Variants in RALY observed in about 807,000 individuals in gnomAD.
The protein encoded by RALY is RNA-binding protein Raly.
In RALY, 15 loss-of-function variants were observed where a neutral mutation model predicts 30.7. The ratio of observed to expected loss-of-function variants is 0.49; its 90% CI spans 0.33 to 0.75. The LOEUF (loss-of-function observed/expected upper bound fraction) is 0.75, where lower values mean the gene tolerates loss of function less well. Ranked by LOEUF, RALY falls within the 30% of genes least tolerant of loss-of-function variation. RALY has a pLI of 0.02. For missense variants in RALY, 339 were observed against 414.3 expected, an observed-to-expected ratio of 0.82 and a Z score of 1.58; for synonymous variants, 177 against 170.8, an observed-to-expected ratio of 1.04 and a Z score of -0.28.
At chr20:33,996,130 G>T (rs1478688756) in intron 1 of RALY, among the ~76,000 whole-genome samples, 1 of 152,196 alleles carries the variant, frequency 6.6e-6, no homozygotes, top group Non-Finnish European at 1.5e-5. Context: ...GAGGTAGTTT[G>T]CAGAGCTTGG....
chr20:33,997,154 C>T lies in RALY; in HGVS notation c.-93+3023C>T, dbSNP rs189727073. On this transcript the variant is annotated intron_variant, in intron 1 of 9. Coordinates refer to ENST00000246194, the MANE Select transcript of RALY (RefSeq NM_016732.3). ...TTTTGGAGACGGAGTCTCACTCCGTCGCCCAGGCTGGATTGCGGTGGCACG... is the reference window on the plus strand; with the variant it reads ...TTTTGGAGACGGAGTCTCACTCCGTTGCCCAGGCTGGATTGCGGTGGCACG... Among the ~76,000 whole-genome samples the T allele has an allele frequency of 1.4e-4, 22 of 152,240 alleles. No homozygotes were observed. The East Asian group carries it at 3.5e-3, about 24-fold the overall frequency.
chr20:34,042,405 C>T (rs1241894190), intron 2 of RALY, among the ~76,000 whole-genome samples: 1 of 152,174 alleles, frequency 6.6e-6, no homozygotes, highest in Non-Finnish European at 1.5e-5. Context: ...TGACTCTCTG[C>T]CTGGTGTCCT....
At chr20:34,009,774 C>G (rs1463002567) in intron 1 of RALY, among the ~76,000 whole-genome samples, 2 of 152,174 alleles carry the variant, frequency 1.3e-5, no homozygotes, top group Non-Finnish European at 2.9e-5. Context: ...TCAAGTTTGT[C>G]AAAGCCACAC....
At chr20:34,075,841 A>T (rs531277630) in intron 5 of RALY, 33 bp from the exon 6 acceptor site, 2 of 1,598,054 alleles carry the variant, frequency 1.3e-6, no homozygotes, top group African/African-American at 2.7e-5. Context: ...GCCACAAGCC[A>T]TGCTGCAGCC....
chr20:34,076,648 A>G, intron 6 of RALY, 54 bp from the exon 7 acceptor site: 4 of 1,438,364 alleles, frequency 2.8e-6, no homozygotes, highest in Non-Finnish European at 3.9e-6. Flanking sequence ...GTTTTGTGCT[A>G]GTGTCAAGCC....
chr20:34,067,840 T>C (rs2033620469), intron 2 of RALY, among the ~76,000 whole-genome samples: 1 of 138,282 alleles, frequency 7.2e-6, no homozygotes, highest in Admixed American at 7.8e-5. Flanking sequence ...TTTGAGACAC[T>C]GTGCTCTCTC....
At chr20:34,007,471 A>C (rs2031208893) in intron 1 of RALY, among the ~76,000 whole-genome samples, 2 of 151,758 alleles carry the variant, frequency 1.3e-5, no homozygotes, top group Admixed American at 1.3e-4. Context: ...CAGTGAGCCA[A>C]GATCATGCCA....
chr20:34,069,723 G>T (rs1432123088), intron 2 of RALY, among the ~76,000 whole-genome samples: 2 of 152,192 alleles, frequency 1.3e-5, no homozygotes, highest in Non-Finnish European at 2.9e-5. Context: ...AGCATTTCCT[G>T]CCTCGTATGC....
chr20:34,009,270 C>T (rs745495733), intron 1 of RALY, among the ~76,000 whole-genome samples: 1 of 151,726 alleles, frequency 6.6e-6, no homozygotes, highest in South Asian at 2.1e-4. Flanking sequence ...GACGGAGTCT[C>T]GCTCTGTCAC....
chr20:33,997,790 G>A (rs1381403475), intron 1 of RALY, among the ~76,000 whole-genome samples: 1 of 152,188 alleles, frequency 6.6e-6, no homozygotes, highest in Non-Finnish European at 1.5e-5. Context: ...TGTTTATGAA[G>A]ATGGTTGGAA....
chr20:34,057,829 C>T (rs1387115556), intron 2 of RALY, among the ~76,000 whole-genome samples: 1 of 151,884 alleles, frequency 6.6e-6, no homozygotes, highest in East Asian at 1.9e-4. Flanking sequence ...ATGAGGAGGG[C>T]GTGGTGAATA....
At chr20:34,055,385 C>G (rs1259166846) in intron 2 of RALY, among the ~76,000 whole-genome samples, 1 of 152,176 alleles carries the variant, frequency 6.6e-6, no homozygotes, top group Non-Finnish European at 1.5e-5. Flanking sequence ...CCAACTTTTC[C>G]TGGCTTTAGC....
chr20:34,062,738 T>C (rs2033454245), intron 2 of RALY, among the ~76,000 whole-genome samples: 1 of 152,226 alleles, frequency 6.6e-6, no homozygotes, highest in African/African-American at 2.4e-5. Context: ...AAGTCACAGC[T>C]GACAAACCCT....
chr20:34,076,924 C>G (rs2033896816), intron 7 of RALY, 104 bp from the exon 8 acceptor site: 3 of 1,594,254 alleles, frequency 1.9e-6, no homozygotes, highest in Non-Finnish European at 2.6e-6. Flanking sequence ...GATCCTGGAC[C>G]ACCTGCACTC....
chr20:34,006,568 T>TAG (rs1316565573), intron 1 of RALY, among the ~76,000 whole-genome samples: 1 of 152,220 alleles, frequency 6.6e-6, no homozygotes, highest in African/African-American at 2.4e-5. Flanking sequence ...ACATGCTGCA[T>TAG]AGAGATGTTT....
chr20:34,022,182 G>A (rs1000351688), intron 1 of RALY, among the ~76,000 whole-genome samples: 8 of 151,104 alleles, frequency 5.3e-5, no homozygotes, highest in East Asian at 1.9e-4. Flanking sequence ...TCCTGTCTCG[G>A]CCTGCCAAAC....
chr20:34,031,886 G>T (rs1021465091), intron 2 of RALY, among the ~76,000 whole-genome samples: 1 of 152,174 alleles, frequency 6.6e-6, no homozygotes, highest in African/African-American at 2.4e-5. Flanking sequence ...GCTGGGATGT[G>T]GCAGGTGGGG....
chr20:34,076,889 A>T (rs1174757090), intron 7 of RALY, 74 bp downstream of exon 7: 4 of 1,589,698 alleles, frequency 2.5e-6, no homozygotes, highest in Admixed American at 3.5e-5. Context: ...AGTACATGGG[A>T]GAGAGGAGCT....
intron 1 of RALY, among the ~76,000 whole-genome samples, chr20:34,030,176 T>C (rs746954712): frequency 1.3e-5 from 2 of 152,174 alleles, no homozygotes; most frequent in Non-Finnish European, 2.9e-5. Flanking sequence ...AATTGTTATA[T>C]ATAATGTGAG....
Sources: gnomAD v4.1 joint callset for allele counts (sites outside exome capture counted in the v4.1 genomes callset) on GRCh38, gnomAD v4.1.1 for gene constraint, MANE v1.5 for transcripts, NCBI Gene and HGNC (gene_info 2026-07-23, HGNC 2026-07-21) for gene names.